Variants in UTP6 observed in about 807,000 individuals in gnomAD.
UTP6 encodes UTP6 small subunit processome component, also known as U3 small nucleolar RNA-associated protein 6 homolog.
UTP6 carries 60 observed loss-of-function variants against 96.5 expected under a neutral mutation model. The observed-to-expected ratio is 0.62, with a 90% CI of 0.51 to 0.77. UTP6 has a LOEUF of 0.77. UTP6 is among the 30% of genes least tolerant of loss of function. UTP6 has a pLI of 0.00. For missense variants in UTP6, 637 were observed against 706.5 expected (o/e 0.90, Z 1.12); for synonymous variants, 215 against 240.1 (o/e 0.90, Z 0.96).
In UTP6 at chr17:31,894,562, A is replaced by G. The variant is rs1904523268; in HGVS notation, c.312+83T>C. ...ATAAAGATACCCAAGATAAAAATAG[A>G]AAACTGCATTTGAATCCCTAATACA... On this transcript the variant is annotated intron_variant, in intron 4 of 18. Transcript: ENST00000261708. The G allele has an allele frequency of 9.2e-6, 9 of 981,506 alleles. No individual in the cohort carries two copies. The South Asian group carries it at 1.4e-4, about 15-fold the overall frequency. 60.8% of individuals were successfully genotyped at this position (981,506 alleles called of 1,614,324 possible).
rs919406752 is a variant in UTP6 at position 31,887,108 on chromosome 17, C to T, written c.621+128G>A. On this transcript the variant is annotated intron_variant, in intron 8 of 18. Transcript: ENST00000261708. ...ACTGCACTCCAGCCTGTGTGACAGACCGAGACTCCGTCTCAAAAAAAAAGA... is the reference window on the plus strand; with the variant it reads ...ACTGCACTCCAGCCTGTGTGACAGATCGAGACTCCGTCTCAAAAAAAAAGA... 63 of 767,734 alleles carry T rather than the reference C, an allele frequency of 8.2e-5. No individual in the cohort carries two copies. The South Asian group carries it at 1.1e-3, about 13-fold the overall frequency. The allele number at this position is 767,734 out of a possible 1,614,324, so 47.6% of individuals were successfully genotyped here. A position where few individuals can be genotyped will look rare whatever the true frequency, so the allele number is the denominator to read the frequency against.
chr17:31,889,494 AATT>A, intron 6 of UTP6, 91 bp from the exon 7 acceptor site: 1 of 922,194 alleles, frequency 1.1e-6, no homozygotes, highest in African/African-American at 1.7e-5. Context: ...ATACTCGCAC[AATT>A]TTTTTTTTTT....
At chr17:31,892,447 G>C in intron 5 of UTP6, 124 bp from the exon 6 acceptor site, 1 of 1,011,880 alleles carries the variant, frequency 9.9e-7, no homozygotes, top group South Asian at 1.5e-5. Flanking sequence ...CTATTGCTAG[G>C]GATATATAAA....
In UTP6 at chr17:31,875,258, T is replaced by C; in HGVS notation, c.1281A>G (p.Glu427=). 1 of 1,614,106 alleles carries C rather than the reference T, an allele frequency of 6.2e-7. No homozygotes were observed. The highest frequency in any genetic ancestry group is 8.5e-7 in the Non-Finnish European group (1 of 1,180,008). ...KSPDIAMLFE[E]AFVHLKPQVC... is the part of the protein sequence containing the mutation. ...CCTGGGGTTTCAGGTGCACAAAGGC[T>C]TCTTCAAAAAGCATGGCTATGTCAG... is the stretch of plus-strand genomic sequence containing the variant. Residue 427 remains glutamate (E), a synonymous_variant, in exon 14 of 19, where the codon GAA becomes GAG. Coordinates refer to ENST00000261708, the MANE Select transcript of UTP6 (RefSeq NM_018428.3).
chr17:31,893,734 CAAAAAAAAAA>C (rs3084042), intron 4 of UTP6, among the ~76,000 whole-genome samples: 25 of 84,466 alleles, frequency 3.0e-4, no homozygotes, highest in Middle Eastern at 7.8e-3. Context: ...CATCCCCCAC[CAAAAAAAAAA>C]AAAAAAAAAA....
At chr17:31,892,589 G>C (rs1038762401) in intron 5 of UTP6, among the ~76,000 whole-genome samples, 158 bp downstream of exon 5, 9 of 152,298 alleles carry the variant, frequency 5.9e-5, no homozygotes, top group African/African-American at 2.2e-4. Context: ...GGAAACCATA[G>C]TCATTCAGAT....
chr17:31,872,504 C>T (rs77998305), intron 16 of UTP6, among the ~76,000 whole-genome samples: 28 of 148,846 alleles, frequency 1.9e-4, no homozygotes, highest in African/African-American at 6.2e-4. Context: ...TCAGTCTCTA[C>T]CAAAAAAAAA....
In UTP6 at chr17:31,875,402, C is replaced by T. The variant is rs779535599; in HGVS notation, c.1137G>A (p.Leu379=). The change falls in exon 14 of 19, where the codon TTG becomes TTA. Residue 379 remains leucine, a synonymous_variant. Coordinates refer to ENST00000261708, the MANE Select transcript of UTP6 (RefSeq NM_018428.3). ...ECQYKQLSVS[L]LCYNFLREAL... is the part of the protein sequence containing the mutation. Reference sequence around the variant, plus strand: ...CTTCCCTCAGGAAGTTATAACACAGCAACGAAACACTCTAGACAAGATGAA... The same window carrying T: ...CTTCCCTCAGGAAGTTATAACACAGTAACGAAACACTCTAGACAAGATGAA... 9.3e-6 allele frequency: 15 copies of T among 1,613,926 alleles called. No individual in the cohort carries two copies. The East Asian group carries it at 3.1e-4, about 34-fold the overall frequency.
intron 11 of UTP6, chr17:31,880,264 C>G (rs1383593496): frequency 3.0e-6 from 1 of 336,100 alleles, no homozygotes; most frequent in African/African-American, 2.1e-5. Flanking sequence ...TACTAAAATA[C>G]AAAAAAATTA....
At chr17:31,866,112 C>T (rs1179652128) in intron 17 of UTP6, among the ~76,000 whole-genome samples, 1 of 151,334 alleles carries the variant, frequency 6.6e-6, no homozygotes, top group Non-Finnish European at 1.5e-5. Flanking sequence ...ACAGTGAAAC[C>T]CCGTCTCTAC....
intron 2 of UTP6, 135 bp from the exon 3 acceptor site, chr17:31,895,146 CAATA>C (rs2142323950): frequency 1.5e-6 from 1 of 651,324 alleles, no homozygotes; most frequent in African/African-American, 1.9e-5. Flanking sequence ...ACATAATTTA[CAATA>C]AATGTCTAGA....
intron 9 of UTP6, chr17:31,884,812 G>T (rs7213345): frequency 0.047 from 10,503 of 223,590 alleles, 664 homozygotes; most frequent in African/African-American, 0.17. Context: ...CCATCACTTT[G>T]GGAGGCCAAG....
chr17:31,875,327 T>G lies in UTP6; in HGVS notation c.1212A>C (p.Thr404=). The G allele has an allele frequency of 1.2e-6, 2 of 1,614,236 alleles. No homozygotes were observed. Among genetic ancestry groups the G allele is most frequent in the African/African-American group, 1.3e-5 (1 of 75,066 alleles). The change falls in exon 14 of 19, where the codon ACA becomes ACC. Residue 404 remains threonine (T), a synonymous_variant. Coordinates refer to ENST00000261708, the MANE Select transcript of UTP6 (RefSeq NM_018428.3). The part of the protein sequence containing the change: ...AGTELFRDSG[T]MWQLKLQVLI... ...GCACCTGCAGCTTCAGCTGCCACAT[T>G]GTCCCAGAGTCTCTAAACAATTCAG... is the stretch of plus-strand genomic sequence containing the variant.
rs1241148967 is a variant in UTP6, at chr17:31,889,317, A to G, written c.511T>C (p.Phe171Leu). Residue 171 changes from phenylalanine (F) to leucine (L), a missense_variant, in exon 7 of 19, where the codon TTT becomes CTT. Physicochemically the swap from Phe to Leu is conservative, Grantham distance 22. Transcript: ENST00000261708. ...ARQLFLRALR[F>L]HPECPKLYKE... is the part of the protein sequence containing the mutation. ...TAAAGTTTTGGGCACTCTGGATGAA[A>G]GCGCAGTGCGCGAAGAAATAGTTGC... is the stretch of plus-strand genomic sequence containing the variant. The G allele has an allele frequency of 1.2e-6, 2 of 1,613,734 alleles. No individual in the cohort carries two copies. Among genetic ancestry groups the G allele is most frequent in the Non-Finnish European group, 1.7e-6 (2 of 1,179,788 alleles).
In UTP6 at chr17:31,894,930, T is replaced by C. The variant is rs371731046; in HGVS notation, c.219+40A>G. The C allele has an allele frequency of 6.1e-4, 927 of 1,522,970 alleles. 1 individual carries two copies. Among genetic ancestry groups the C allele is most frequent in the Non-Finnish European group, 7.8e-4 (860 of 1,105,410 alleles). The allele number at this position is 1,522,970 out of a possible 1,614,324, so 94.3% of individuals were successfully genotyped here. On this transcript the variant is annotated intron_variant, in intron 3 of 18. Transcript: ENST00000261708. ...TAACTATACAGCCATACTGCTTAGT[T>C]CTGTATTTTTCTCCAACTTCTAGAA...
At chr17:31,886,919 C>T (rs1911179065) in intron 8 of UTP6, among the ~76,000 whole-genome samples, 1 of 152,140 alleles carries the variant, frequency 6.6e-6, no homozygotes, top group African/African-American at 2.4e-5. Flanking sequence ...TTGAGAACCA[C>T]ATTAATTAGT....
At chr17:31,872,011 T>C (rs912881482) in intron 16 of UTP6, among the ~76,000 whole-genome samples, 2 of 151,888 alleles carry the variant, frequency 1.3e-5, no homozygotes, top group Non-Finnish European at 2.9e-5. Flanking sequence ...CTAGCCAACA[T>C]GGCAAAAACC....
intron 18 of UTP6, among the ~76,000 whole-genome samples, chr17:31,864,155 C>T (rs1161331147): frequency 4.6e-5 from 7 of 152,158 alleles, no homozygotes; most frequent in Admixed American, 3.9e-4. Context: ...GAGGCCAAGG[C>T]GGGCGGATCA....
chr17:31,869,579 G>A (rs549961531), intron 16 of UTP6, among the ~76,000 whole-genome samples: 23 of 152,212 alleles, frequency 1.5e-4, no homozygotes, highest in African/African-American at 5.3e-4. Context: ...CAAACTCCTG[G>A]ACTCAAGCAA....
Sources: gnomAD v4.1 joint callset for allele counts (sites outside exome capture counted in the v4.1 genomes callset) on GRCh38, gnomAD v4.1.1 for gene constraint, MANE v1.5 for transcripts, NCBI Gene and HGNC (gene_info 2026-07-23, HGNC 2026-07-21) for gene names.